PDE4D: variants seen among roughly 807,000 people sequenced by gnomAD.
PDE4D encodes phosphodiesterase 4D.
PDE4D carries 24 observed loss-of-function variants against 87.4 expected under a neutral mutation model. The observed-to-expected ratio is 0.27, with a 90% confidence interval of 0.20 to 0.39. PDE4D has a LOEUF of 0.39. PDE4D is among the 10% of genes least tolerant of loss of function. The probability of loss-of-function intolerance (pLI) is 1.00; values close to 1 mark genes in which losing one functional copy is unlikely to be tolerated. For missense variants in PDE4D, 714 were observed against 1,041.0 expected (o/e 0.69, Z 4.32); for synonymous variants, 384 against 383.2 (o/e 1.00, Z -0.02).
At chr5:60,390,646 T>TAAAAAAAA (rs35911590) in intron 1 of PDE4D, among the ~76,000 whole-genome samples, 1 of 138,698 alleles carries the variant, frequency 7.2e-6, no homozygotes. Flanking sequence ...AATGATAATT[T>TAAAAAAAA]AAAAAAAAAA....
chr5:59,188,847 T>G (rs1743533022), intron 3 of PDE4D, among the ~76,000 whole-genome samples: 1 of 152,186 alleles, frequency 6.6e-6, no homozygotes, highest in Non-Finnish European at 1.5e-5. Flanking sequence ...CCAGAAAAGG[T>G]TGATAGACAA....
At chr5:59,222,448 C>T (rs1447341132) in intron 1 of PDE4D, among the ~76,000 whole-genome samples, 4 of 152,070 alleles carry the variant, frequency 2.6e-5, no homozygotes, top group African/African-American at 4.8e-5. Flanking sequence ...TAGCACTGAC[C>T]CCCAGTATGA....
chr5:59,704,676 C>A (rs1753121625), intron 1 of PDE4D, among the ~76,000 whole-genome samples: 1 of 152,182 alleles, frequency 6.6e-6, no homozygotes, highest in Non-Finnish European at 1.5e-5. Context: ...CAAAAAACTA[C>A]TTTTCCCCTT....
In PDE4D at chr5:60,329,986, G is replaced by A. The variant is rs1418957684; in HGVS notation, c.-89-144299C>T. ...TGTGTCAGTGAGCAAACAGCTCTGC[G>A]TGGGCAAAACCATTTGCTTAAGAGA... On this transcript the variant is annotated intron_variant, in intron 1 of 16. Transcript: ENST00000502484. Among the ~76,000 whole-genome samples, 5 of 152,246 alleles carry A rather than the reference G, an allele frequency of 3.3e-5. No homozygotes were observed. The East Asian group carries it at 7.7e-4, about 23-fold the overall frequency.
chr5:59,340,961 ATTAAT>A (rs1282170001), intron 1 of PDE4D, among the ~76,000 whole-genome samples: 1 of 152,202 alleles, frequency 6.6e-6, no homozygotes, highest in African/African-American at 2.4e-5. Context: ...ACCAGGTGAA[ATTAAT>A]TTAAATATGT....
At chr5:59,000,414 A>G (rs1012994473) in intron 6 of PDE4D, among the ~76,000 whole-genome samples, 1 of 152,200 alleles carries the variant, frequency 6.6e-6, no homozygotes, top group Non-Finnish European at 1.5e-5. Context: ...CATCCAACAT[A>G]AAAGCATAGG....
intron 4 of PDE4D, among the ~76,000 whole-genome samples, chr5:59,184,212 G>A (rs1742358920): frequency 6.6e-6 from 1 of 152,184 alleles, no homozygotes; most frequent in Non-Finnish European, 1.5e-5. Flanking sequence ...TGGAAAAACA[G>A]AACCTAATGG....
intron 2 of PDE4D, among the ~76,000 whole-genome samples, chr5:60,109,112 C>A (rs1331647992): frequency 6.6e-6 from 1 of 151,476 alleles, no homozygotes; most frequent in Non-Finnish European, 1.5e-5. Context: ...ACCTACTCAT[C>A]TGAGAAAGGG....
At chr5:59,906,281 C>A (rs1472774071) in intron 3 of PDE4D, among the ~76,000 whole-genome samples, 2 of 152,056 alleles carry the variant, frequency 1.3e-5, no homozygotes, top group Non-Finnish European at 2.9e-5. Context: ...GGTCAGGTTC[C>A]TATCTATTTT....
Position 58,975,726 on chromosome 5 carries a change from T to C in PDE4D, c.1944A>G (p.Arg648=), listed in dbSNP as rs899183806. The C allele has an allele frequency of 1.2e-6, 2 of 1,613,380 alleles. No individual in the cohort carries two copies. Among genetic ancestry groups the C allele is most frequent in the Non-Finnish European group, 1.7e-6 (2 of 1,179,552 alleles). ...IMEEFFRQGD[R]ERERGMEISP... is the part of the protein sequence containing the mutation. ...TTATCTCCATGCCACGTTCCCTCTC[T>C]CGGTCTCCTTGGCGGAAGAACTCCT... Residue 648 remains arginine, a synonymous_variant, in exon 14 of 15, where the codon CGA becomes CGG. Transcript: ENST00000340635. This position sits in a 1 kb window ranked among gnomAD's most constrained non-coding sequence, Gnocchi z 4.2.
At chr5:60,245,060 A>G (rs1747596346) in intron 1 of PDE4D, among the ~76,000 whole-genome samples, 1 of 152,082 alleles carries the variant, frequency 6.6e-6, no homozygotes, top group African/African-American at 2.4e-5. Context: ...TAAGGGATTA[A>G]TAACCAGAAC....
rs571907254 is a variant in PDE4D at position 59,350,406 on chromosome 5, G to A, written c.456-134438C>T. ...GGCCGCTATCAAGTTGCATGACCCTGGGGCCTTTCAAGGTCTTCAAGCTCT... is the reference window on the plus strand; with the variant it reads ...GGCCGCTATCAAGTTGCATGACCCTAGGGCCTTTCAAGGTCTTCAAGCTCT... On this transcript the variant is annotated intron_variant, in intron 1 of 14. Transcript: ENST00000340635. Among the ~76,000 whole-genome samples the A allele has an allele frequency of 2.0e-5, 3 of 152,230 alleles. No individual in the cohort carries two copies. The South Asian group carries it at 6.2e-4, about 32-fold the overall frequency.
Position 59,242,776 on chromosome 5 carries a change from C to A in PDE4D, c.456-26808G>T, listed in dbSNP as rs188716117. 3.3e-5 allele frequency among the ~76,000 whole-genome samples: 5 copies of A among 152,272 alleles called. No individual in the cohort carries two copies. In the East Asian group the frequency reaches 9.6e-4, roughly 29 times the overall value. ...GGTGGAAGAGACTGGCATTTCCTTT[C>A]CTCCTTTATAGATAAGGAAACTGAG... is the stretch of plus-strand genomic sequence containing the variant. On this transcript the variant is annotated intron_variant, in intron 1 of 14. Transcript: ENST00000340635.
At chr5:59,566,205 T>A (rs1344032883) in intron 1 of PDE4D, among the ~76,000 whole-genome samples, 2 of 152,138 alleles carry the variant, frequency 1.3e-5, no homozygotes, top group Non-Finnish European at 2.9e-5. Context: ...GCATTCTTGA[T>A]CTTGGAAATG....
intron 1 of PDE4D, among the ~76,000 whole-genome samples, chr5:59,845,151 T>C (rs978091265): frequency 2.1e-4 from 32 of 152,090 alleles, no homozygotes; most frequent in Admixed American, 1.9e-3. Flanking sequence ...AAACACCTGA[T>C]GTCAGCCTCT....
chr5:59,043,766 G>A (rs9686835), intron 5 of PDE4D, among the ~76,000 whole-genome samples: 3 of 149,638 alleles, frequency 2.0e-5, no homozygotes, highest in African/African-American at 4.9e-5. Flanking sequence ...CCATGTGTTC[G>A]CATTGTTCAA....
intron 1 of PDE4D, among the ~76,000 whole-genome samples, chr5:59,610,894 C>T (rs1038359279): frequency 1.3e-5 from 2 of 152,024 alleles, no homozygotes; most frequent in African/African-American, 4.8e-5. Flanking sequence ...TGGAGAAAAA[C>T]AGAAAATGCT....
At chr5:59,979,448 G>GTGTGTGTGTTT (rs1281703372) in intron 3 of PDE4D, among the ~76,000 whole-genome samples, 1 of 151,508 alleles carries the variant, frequency 6.6e-6, no homozygotes, top group Non-Finnish European at 1.5e-5. Flanking sequence ...GTGTGTTTAT[G>GTGTGTGTGTTT]ATAACATTTA....
chr5:59,625,495 C>G (rs1454307512), intron 1 of PDE4D, among the ~76,000 whole-genome samples: 1 of 150,452 alleles, frequency 6.6e-6, no homozygotes, highest in African/African-American at 2.5e-5. Flanking sequence ...ACCTAAAGAG[C>G]TGCGACATTA....
Sources: allele counts gnomAD v4.1 joint callset (sites outside exome capture counted in the v4.1 genomes callset), GRCh38; gene constraint gnomAD v4.1.1; non-coding constraint Gnocchi (gnomAD v3.1); transcripts MANE v1.5; gene names NCBI Gene and HGNC (gene_info 2026-07-23, HGNC 2026-07-21).